The following B3GALT1 variants were observed in gnomAD, a reference collection of about 807,000 sequenced individuals.
B3GALT1 encodes the protein beta-1,3-galactosyltransferase 1.
A neutral mutation model predicts 23.2 loss-of-function variants in B3GALT1; 10 were observed. The observed-to-expected ratio is 0.43, with a 90% confidence interval of 0.27 to 0.73. B3GALT1 has a LOEUF of 0.73. B3GALT1 is among the 30% of genes least tolerant of loss of function. The pLI is 0.21. For synonymous variants in B3GALT1, 156 were observed against 141.5 expected, an observed-to-expected ratio of 1.10 and a Z score of -0.73; for missense variants, 299 against 405.4, an observed-to-expected ratio of 0.74 and a Z score of 2.25.
At chr2:167,789,200 C>T (rs557741260) in intron 3 of B3GALT1, among the ~76,000 whole-genome samples, 53 of 152,288 alleles carry the variant, frequency 3.5e-4, no homozygotes, top group African/African-American at 1.3e-3. Context: ...TTTCTGCAGC[C>T]TAAGCAGAAA....
At chr2:167,742,019 A>G (rs1427797352) in intron 3 of B3GALT1, among the ~76,000 whole-genome samples, 1 of 151,344 alleles carries the variant, frequency 6.6e-6, no homozygotes, top group Non-Finnish European at 1.5e-5. Flanking sequence ...CCTCTCAGTC[A>G]GGTGTGCATA....
chr2:167,430,411 A>T (rs2105307022), intron 1 of B3GALT1, among the ~76,000 whole-genome samples: 1 of 152,276 alleles, frequency 6.6e-6, no homozygotes, highest in Non-Finnish European at 1.5e-5. Context: ...GCATGATATG[A>T]TCTGACTTGT....
At position 167,829,327 on chromosome 2, in the gene B3GALT1, C is replaced by T. The variant is rs548989836; in HGVS notation, c.-230+10534C>T. 3.3e-5 allele frequency among the ~76,000 whole-genome samples: 5 copies of T among 151,734 alleles called. No homozygotes were observed. In the South Asian group the frequency reaches 1.0e-3, roughly 32 times the overall value. On this transcript the variant is annotated intron_variant, in intron 4 of 4. Coordinates refer to ENST00000392690, the MANE Select transcript of B3GALT1 (RefSeq NM_020981.4). ...TGAAACCCCATCTCTACTAAAAATA[C>T]AAAAAATTAGCTGGGCCTGGTGGCG...
intron 4 of B3GALT1, among the ~76,000 whole-genome samples, chr2:167,859,919 C>T (rs1690066658): frequency 6.6e-6 from 1 of 152,154 alleles, no homozygotes; most frequent in South Asian, 2.1e-4. Context: ...AGAGCCAGCC[C>T]TCTGTGATTT....
intron 2 of B3GALT1, among the ~76,000 whole-genome samples, chr2:167,527,130 T>A (rs989436168): frequency 1.3e-5 from 2 of 152,174 alleles, no homozygotes; most frequent in Non-Finnish European, 2.9e-5. Flanking sequence ...TCCTACTTTT[T>A]CTTTTTTCCT....
At chr2:167,804,117 G>C (rs954114644) in intron 3 of B3GALT1, among the ~76,000 whole-genome samples, 2 of 152,084 alleles carry the variant, frequency 1.3e-5, no homozygotes, top group African/African-American at 4.8e-5. Flanking sequence ...AGACTCCCAA[G>C]TAGCTGGGAT....
intron 3 of B3GALT1, among the ~76,000 whole-genome samples, chr2:167,794,052 C>G (rs1335966231): frequency 6.6e-6 from 1 of 152,172 alleles, no homozygotes; most frequent in Non-Finnish European, 1.5e-5. Context: ...AGTGGAAGAG[C>G]CACAGCAAAC....
rs1685593638 is a variant in B3GALT1, at chr2:167,638,291, C to G, written c.-409-8618C>G. ...GAAACATTTTCACCGTGAAGCAGCA[C>G]TGCTAAAACAAACTAGCATTGGCAT... On this transcript the variant is annotated intron_variant, in intron 2 of 4. Coordinates refer to ENST00000392690, the MANE Select transcript of B3GALT1 (RefSeq NM_020981.4). Among the ~76,000 whole-genome samples, 3 of 150,906 alleles carry G rather than the reference C, an allele frequency of 2.0e-5. No individual in the cohort carries two copies. In the South Asian group the frequency reaches 6.2e-4, roughly 31 times the overall value.
chr2:167,559,711 G>A (rs1036652826), intron 2 of B3GALT1, among the ~76,000 whole-genome samples: 1 of 152,192 alleles, frequency 6.6e-6, no homozygotes, highest in African/African-American at 2.4e-5. Context: ...ATCAGTGATG[G>A]AAGACGAAAT....
chr2:167,811,404 G>A (rs1688886549), intron 3 of B3GALT1, among the ~76,000 whole-genome samples: 1 of 152,116 alleles, frequency 6.6e-6, no homozygotes, highest in Admixed American at 6.5e-5. Flanking sequence ...TTCTTTTGAA[G>A]GTCTACTAAG....
At chr2:167,574,746 A>C (rs1218946660) in intron 2 of B3GALT1, among the ~76,000 whole-genome samples, 3 of 151,800 alleles carry the variant, frequency 2.0e-5, no homozygotes, top group African/African-American at 7.2e-5. Flanking sequence ...TAAAATTAGA[A>C]TATGAATTAA....
At chr2:167,454,277 A>C (rs755790246) in intron 1 of B3GALT1, among the ~76,000 whole-genome samples, 3 of 152,224 alleles carry the variant, frequency 2.0e-5, no homozygotes, top group Non-Finnish European at 4.4e-5. Context: ...GGCAGAGCCA[A>C]CTATATGCGA....
intron 1 of B3GALT1, among the ~76,000 whole-genome samples, chr2:167,474,151 C>T (rs1699456825): frequency 6.6e-6 from 1 of 152,126 alleles, no homozygotes; most frequent in Admixed American, 6.6e-5. Context: ...TAGGATACGC[C>T]ATCTTAATAT....
intron 4 of B3GALT1, among the ~76,000 whole-genome samples, chr2:167,838,951 G>C (rs1383124976): frequency 5.9e-5 from 9 of 152,192 alleles, no homozygotes; most frequent in African/African-American, 2.2e-4. Context: ...AATAGATGCA[G>C]AAAATGCCTT....
intron 2 of B3GALT1, among the ~76,000 whole-genome samples, chr2:167,553,330 G>T (rs1353650628): frequency 6.6e-6 from 1 of 152,104 alleles, no homozygotes; most frequent in Non-Finnish European, 1.5e-5. Context: ...TAAAACTTGG[G>T]TTAATAAAAT....
intron 3 of B3GALT1, among the ~76,000 whole-genome samples, chr2:167,794,383 T>G (rs1345035763): frequency 6.6e-6 from 1 of 152,340 alleles, no homozygotes; most frequent in South Asian, 2.1e-4. Flanking sequence ...AGTAAAAGAA[T>G]AAAATTCTTT....
chr2:167,834,430 C>T (rs1293390473), intron 4 of B3GALT1, among the ~76,000 whole-genome samples: 1 of 152,196 alleles, frequency 6.6e-6, no homozygotes, highest in Non-Finnish European at 1.5e-5. Flanking sequence ...CTTGTCCTGG[C>T]TTGTCCGTCC....
chr2:167,560,667 T>A (rs1574137625), intron 2 of B3GALT1, among the ~76,000 whole-genome samples: 2 of 151,402 alleles, frequency 1.3e-5, no homozygotes, highest in Admixed American at 1.3e-4. Context: ...TAGTCTCTGA[T>A]AAAACAGACT....
chr2:167,553,565 A>C (rs1558902517), intron 2 of B3GALT1, among the ~76,000 whole-genome samples: 1 of 152,160 alleles, frequency 6.6e-6, no homozygotes, highest in Non-Finnish European at 1.5e-5. Flanking sequence ...TTCCACCTAA[A>C]GGTATGCCCT....
Sources: allele counts gnomAD v4.1 joint callset (sites outside exome capture counted in the v4.1 genomes callset), GRCh38; gene constraint gnomAD v4.1.1; transcripts MANE v1.5; gene names NCBI Gene and HGNC (gene_info 2026-07-23, HGNC 2026-07-21).